Variants in NBAS observed in about 807,000 individuals in gnomAD.
NBAS encodes the protein NBAS subunit of NRZ tethering complex.
In NBAS, 219 loss-of-function variants were observed where a neutral mutation model predicts 302.5. The observed-to-expected ratio is 0.72, with a 90% CI of 0.65 to 0.81. NBAS has a LOEUF of 0.81. NBAS is among the 30% of genes least tolerant of loss of function. The pLI is 0.00. For synonymous variants in NBAS, 1,118 were observed against 1,021.6 expected (o/e 1.09, Z -1.80); for missense variants, 2,932 against 2,841.6 (o/e 1.03, Z -0.72).
intron 32 of NBAS, among the ~76,000 whole-genome samples, chr2:15,358,394 GTA>G (rs934549796): frequency 6.6e-6 from 1 of 151,944 alleles, no homozygotes; most frequent in Admixed American, 6.6e-5. Flanking sequence ...GTGTGTGTGT[GTA>G]TGTGTGTGTG....
the NBAS span, among the ~76,000 whole-genome samples, chr2:15,014,378 A>C: frequency 6.6e-6 from 1 of 152,164 alleles, no homozygotes; most frequent in Non-Finnish European, 1.5e-5. Context: ...AACATATTTT[A>C]GGACACAAAA....
At chr2:15,500,826 AGGCAGGAGAAT>A (rs1337061759) in intron 11 of NBAS, among the ~76,000 whole-genome samples, 1 of 151,758 alleles carries the variant, frequency 6.6e-6, no homozygotes, top group Admixed American at 6.6e-5. Context: ...CAGGAGGCTG[AGGCAGGAGAAT>A]GGCGTGAACC....
intron 44 of NBAS, among the ~76,000 whole-genome samples, chr2:15,273,872 G>A (rs1230084051): frequency 1.3e-5 from 2 of 151,632 alleles, no homozygotes; most frequent in South Asian, 2.1e-4. Flanking sequence ...TCAGGAGATC[G>A]AGACCATCCT....
At chr2:15,544,933 C>G (rs1439295366) in intron 6 of NBAS, among the ~76,000 whole-genome samples, 1 of 152,062 alleles carries the variant, frequency 6.6e-6, no homozygotes, top group African/African-American at 2.4e-5. Context: ...ACTGCTTGAA[C>G]CCAGGAGGTG....
rs1670275992 is a variant in NBAS, at chr2:15,290,852, A to G, written c.5027+1685T>C. Reference sequence around the variant, plus strand: ...GGTTGTTCCTGCTATTTTTCTTTTGATCTCTCTATGCCATGCCTCGTTCTA... The same window carrying G: ...GGTTGTTCCTGCTATTTTTCTTTTGGTCTCTCTATGCCATGCCTCGTTCTA... On this transcript the variant is annotated intron_variant, in intron 41 of 51. Coordinates refer to ENST00000281513, the MANE Select transcript of NBAS (RefSeq NM_015909.4). 8.5e-5 allele frequency among the ~76,000 whole-genome samples: 13 copies of G among 152,260 alleles called. No homozygotes were observed. In the South Asian group the frequency reaches 2.7e-3, roughly 32 times the overall value.
the NBAS span, among the ~76,000 whole-genome samples, chr2:15,025,918 G>C: frequency 6.6e-6 from 1 of 152,134 alleles, no homozygotes; most frequent in Non-Finnish European, 1.5e-5. Flanking sequence ...AACAGAGATA[G>C]TTTGGCTTCC....
chr2:15,229,515 C>T (rs1395605981), intron 47 of NBAS, among the ~76,000 whole-genome samples: 1 of 151,948 alleles, frequency 6.6e-6, no homozygotes, highest in Non-Finnish European at 1.5e-5. Context: ...GGCGCAGTGG[C>T]TCATGCCTGT....
intron 4 of NBAS, among the ~76,000 whole-genome samples, 174 bp from the exon 5 acceptor site, chr2:15,553,647 A>C (rs1440678106): frequency 6.6e-6 from 1 of 152,196 alleles, no homozygotes; most frequent in Non-Finnish European, 1.5e-5. Flanking sequence ...AAAAGCACAC[A>C]AAATGATTTA....
At chr2:15,180,018 G>A (rs932219758) in intron 50 of NBAS, 4 of 152,218 alleles carry the variant, frequency 2.6e-5, no homozygotes, top group African/African-American at 7.2e-5. Flanking sequence ...TTACACTAAA[G>A]CAAGGGTTGC....
Position 15,561,268 on chromosome 2 carries a change from C to G in NBAS, c.37G>C (p.Gly13Arg). 6.2e-7 allele frequency: 1 copy of G among 1,613,962 alleles called. No homozygotes were observed. Among genetic ancestry groups the G allele is most frequent in the Non-Finnish European group, 8.5e-7 (1 of 1,180,046 alleles). ...APESGPALSP[G>R]TAEGEEETIL... ...GTCTCCTCCTCACCCTCTGCAGTGC[C>G]TGGACTCAAAGCCGGCCCTGACTCG... The change falls in exon 1 of 52, where the codon GGC becomes CGC. Residue 13 changes from glycine to arginine, a missense_variant. Transcript: ENST00000281513.
chr2:15,426,775 T>C (rs1169435060), intron 22 of NBAS, among the ~76,000 whole-genome samples: 1 of 152,222 alleles, frequency 6.6e-6, no homozygotes, highest in Non-Finnish European at 1.5e-5. Context: ...CATTTGTTCT[T>C]CCTGCTGGAG....
At chr2:15,264,836 T>C (rs1211877491) in intron 44 of NBAS, among the ~76,000 whole-genome samples, 1 of 152,190 alleles carries the variant, frequency 6.6e-6, no homozygotes, top group East Asian at 1.9e-4. Context: ...AGGCTGGATG[T>C]GACGAGGGAG....
the NBAS span, among the ~76,000 whole-genome samples, chr2:14,799,039 T>C: frequency 7.2e-5 from 11 of 152,174 alleles, no homozygotes; most frequent in African/African-American, 2.6e-4. Context: ...TTCTCTCATA[T>C]TTGCTATTTT....
intron 1 of NBAS, among the ~76,000 whole-genome samples, 175 bp from the exon 2 acceptor site, chr2:15,558,809 C>T (rs1181517422): frequency 6.6e-6 from 1 of 152,058 alleles, no homozygotes; most frequent in Non-Finnish European, 1.5e-5. Context: ...TGGCTCACGC[C>T]TGTAATCTCA....
chr2:15,062,686 T>C, the NBAS span, among the ~76,000 whole-genome samples: 1 of 152,202 alleles, frequency 6.6e-6, no homozygotes, highest in African/African-American at 2.4e-5. Flanking sequence ...ATCTCAAAAT[T>C]TGTTGTGGCT....
chr2:15,435,704 T>C (rs1677976727), intron 21 of NBAS, among the ~76,000 whole-genome samples: 1 of 152,232 alleles, frequency 6.6e-6, no homozygotes, highest in Non-Finnish European at 1.5e-5. Context: ...AAGATGTTAC[T>C]GTAGCCATTC....
chr2:15,436,602 C>G (rs183562958), intron 21 of NBAS, among the ~76,000 whole-genome samples: 57 of 152,260 alleles, frequency 3.7e-4, no homozygotes, highest in South Asian at 3.1e-3. Flanking sequence ...AGAAAGGTAG[C>G]ACGATTCACA....
At chr2:15,473,400 G>A in intron 15 of NBAS, 53 bp from the exon 16 acceptor site, 2 of 1,601,284 alleles carry the variant, frequency 1.2e-6, no homozygotes, top group Non-Finnish European at 1.7e-6. Flanking sequence ...TTATCCACAG[G>A]GTCCTGATGA....
At chr2:15,435,989 T>C (rs933965491) in intron 21 of NBAS, among the ~76,000 whole-genome samples, 4 of 152,224 alleles carry the variant, frequency 2.6e-5, no homozygotes, top group Non-Finnish European at 5.9e-5. Context: ...ATTATTTCAT[T>C]TAATCGTGAA....
Sources: allele counts gnomAD v4.1 joint callset (sites outside exome capture counted in the v4.1 genomes callset), GRCh38; gene constraint gnomAD v4.1.1; transcripts MANE v1.5; gene names NCBI Gene and HGNC (gene_info 2026-07-23, HGNC 2026-07-21).